C16orf96: variants seen among roughly 807,000 people sequenced by gnomAD.
C16orf96 encodes the protein chromosome 16 open reading frame 96, also known as uncharacterized protein C16orf96.
In C16orf96, 108 loss-of-function variants were observed where a neutral mutation model predicts 103.6. That is an observed-to-expected ratio of 1.04 (90% CI 0.89 to 1.22). The LOEUF (loss-of-function observed/expected upper bound fraction) is 1.22. C16orf96 is among the 50% of genes most tolerant of loss of function. The pLI is 0.00. For synonymous variants in C16orf96, 566 were observed against 593.5 expected (o/e 0.95, Z 0.67); for missense variants, 1,586 against 1,464.2 (o/e 1.08, Z -1.36).
At chr16:4,567,647 T>A (rs895297358) in intron 1 of C16orf96, among the ~76,000 whole-genome samples, 7 of 151,690 alleles carry the variant, frequency 4.6e-5, no homozygotes, top group African/African-American at 7.3e-5. Flanking sequence ...GAATGTTTTT[T>A]AAATTTTTAC....
chr16:4,595,690 TTTGTTG>T (rs56706290), intron 14 of C16orf96, among the ~76,000 whole-genome samples: 14 of 150,604 alleles, frequency 9.3e-5, no homozygotes, highest in African/African-American at 3.2e-4. Context: ...ATTCTGGTTT[TTTGTTG>T]TTGTTGTTGT....
chr16:4,568,505 C>G (rs2059404291), intron 1 of C16orf96, among the ~76,000 whole-genome samples: 1 of 152,116 alleles, frequency 6.6e-6, no homozygotes, highest in Non-Finnish European at 1.5e-5. Flanking sequence ...GTTGCCCAGG[C>G]TGCTCTGGAA....
At chr16:4,573,755 A>C (rs1347010382) in intron 2 of C16orf96, among the ~76,000 whole-genome samples, 2 of 150,498 alleles carry the variant, frequency 1.3e-5, no homozygotes, top group African/African-American at 4.9e-5. Context: ...CTGTCTCAAA[A>C]AAAAAAAAAA....
chr16:4,576,206 G>GCCA lies in C16orf96; in HGVS notation c.1727_1728insCAC (p.Ala576_Ala577insThr). ...CGCTGCCATCGCCGCCGCTGCCGCC[G>GCCA]CAGCCTACGCCGCTGCCACATCCTC... is the stretch of plus-strand genomic sequence containing the variant. On this transcript the variant is annotated inframe_insertion, in exon 5 of 16. Coordinates refer to ENST00000444310, the MANE Select transcript of C16orf96 (RefSeq NM_001145011.2). 1.3e-6 allele frequency: 2 copies of GCCA among 1,550,604 alleles called. No homozygotes were observed. Among genetic ancestry groups the GCCA allele is most frequent in the Admixed American group, 3.9e-5 (2 of 50,986 alleles).
chr16:4,595,690 TTTGTTGTTG>T (rs56706290), intron 14 of C16orf96, among the ~76,000 whole-genome samples: 2 of 150,604 alleles, frequency 1.3e-5, no homozygotes, highest in African/African-American at 2.4e-5. Context: ...ATTCTGGTTT[TTTGTTGTTG>T]TTGTTGTTGT....
chr16:4,599,072 C>T (rs1897232729), intron 14 of C16orf96, among the ~76,000 whole-genome samples: 2 of 150,822 alleles, frequency 1.3e-5, no homozygotes, highest in Non-Finnish European at 2.9e-5. Context: ...GCGCTCCAGC[C>T]TAGGTGACAG....
the C16orf96 span, among the ~76,000 whole-genome samples, chr16:4,539,927 A>G: frequency 6.6e-6 from 1 of 152,038 alleles, no homozygotes; most frequent in Non-Finnish European, 1.5e-5. Context: ...CCACCCCACC[A>G]ATCAGCACTC....
intron 2 of C16orf96, among the ~76,000 whole-genome samples, chr16:4,572,491 T>C (rs1265677353): frequency 6.6e-6 from 1 of 151,386 alleles, no homozygotes; most frequent in Non-Finnish European, 1.5e-5. Flanking sequence ...TTAGTAGAGA[T>C]GGGGTTTCAC....
chr16:4,562,982 G>T, intron 1 of C16orf96: 1 of 1,224,810 alleles, frequency 8.2e-7, no homozygotes, highest in Non-Finnish European at 1.2e-6. Context: ...GAACGCCAAC[G>T]TACCTCATTT....
In C16orf96 at chr16:4,556,775, G is replaced by A. The variant is rs750584947; in HGVS notation, c.286G>A (p.Ala96Thr). The stretch of plus-strand genomic sequence containing the variant: ...CCTCGACAAGTTGGAGAACCAGCTG[G>A]CCCTGCTGCAGGACCTGCCCTCCAC... ...SRLDKLENQL[A>T]LLQDLPSTAQ... The change falls in exon 1 of 16, where the codon GCC becomes ACC. Residue 96 changes from alanine (A) to threonine (T), a missense_variant. Transcript: ENST00000444310. The A allele has an allele frequency of 6.4e-7, 1 of 1,551,684 alleles. No individual in the cohort carries two copies. Among genetic ancestry groups the A allele is most frequent in the South Asian group, 1.2e-5 (1 of 84,058 alleles).
At chr16:4,568,682 G>A (rs1318501490) in intron 1 of C16orf96, among the ~76,000 whole-genome samples, 1 of 149,222 alleles carries the variant, frequency 6.7e-6, no homozygotes, top group Non-Finnish European at 1.5e-5. Context: ...AAGCTGGAGG[G>A]CAGTAGTGCA....
Position 4,575,873 on chromosome 16 carries a change from A to C in C16orf96, c.1393A>C (p.Ser465Arg). The C allele has an allele frequency of 1.9e-6, 3 of 1,551,558 alleles. No homozygotes were observed. Among genetic ancestry groups the C allele is most frequent in the Non-Finnish European group, 2.6e-6 (3 of 1,146,988 alleles). Residue 465 changes from serine to arginine, a missense_variant, in exon 5 of 16, where the codon AGC becomes CGC. Ser to Arg is a moderately radical substitution (Grantham distance 110). Transcript: ENST00000444310. ...AAAGGGGGAGGAAAATGATGTCCCC[A>C]GCCTAAGGGGCCTTCGGGAGAGGGC... The part of the protein sequence containing the change: ...QVKGEENDVP[S>R]LRGLRERARK...
At chr16:4,598,676 C>T (rs1304672456) in intron 14 of C16orf96, among the ~76,000 whole-genome samples, 1 of 152,172 alleles carries the variant, frequency 6.6e-6, no homozygotes, top group East Asian at 1.9e-4. Context: ...TGCTCTGGCC[C>T]CCAGCGGGAC....
chr16:4,550,305 T>C, the C16orf96 span, among the ~76,000 whole-genome samples: 1 of 152,096 alleles, frequency 6.6e-6, no homozygotes, highest in Admixed American at 6.6e-5. Context: ...GGTTGGTCTC[T>C]AAGTAGTGAC....
intron 9 of C16orf96, 97 bp from the exon 10 acceptor site, chr16:4,591,569 C>A: frequency 1.0e-6 from 1 of 956,134 alleles, no homozygotes; most frequent in Non-Finnish European, 1.6e-6. Context: ...TTTGTTACAC[C>A]GTGTAACTTC....
intron 9 of C16orf96, among the ~76,000 whole-genome samples, chr16:4,589,035 C>A (rs1289026160): frequency 2.0e-5 from 3 of 152,154 alleles, no homozygotes; most frequent in Non-Finnish European, 4.4e-5. Context: ...TCTGACACAT[C>A]ACTGGCAGTC....
At chr16:4,546,827 G>A in the C16orf96 span, among the ~76,000 whole-genome samples, 3 of 152,060 alleles carry the variant, frequency 2.0e-5, no homozygotes, top group Non-Finnish European at 2.9e-5. Flanking sequence ...GATAAACAAC[G>A]TGTGATCTCC....
the C16orf96 span, among the ~76,000 whole-genome samples, chr16:4,549,705 G>GGA: frequency 4.0e-3 from 614 of 152,232 alleles, 8 homozygotes; most frequent in African/African-American, 0.014. Flanking sequence ...GGCTGAGGCA[G>GGA]GAGAATCGCT....
chr16:4,570,967 G>A (rs777274230), intron 1 of C16orf96, among the ~76,000 whole-genome samples: 1 of 152,084 alleles, frequency 6.6e-6, no homozygotes, highest in Non-Finnish European at 1.5e-5. Context: ...TCAGGAATTC[G>A]AGACCAGCCT....
Sources: allele counts gnomAD v4.1 joint callset (sites outside exome capture counted in the v4.1 genomes callset), GRCh38; gene constraint gnomAD v4.1.1; transcripts MANE v1.5; gene names NCBI Gene and HGNC (gene_info 2026-07-23, HGNC 2026-07-21).